Variants in SAP130 observed in about 807,000 individuals in gnomAD.
SAP130 encodes histone deacetylase complex subunit SAP130.
SAP130 carries 16 observed loss-of-function variants against 103.2 expected under a neutral mutation model. The ratio of observed to expected loss-of-function variants is 0.16; its 90% CI spans 0.10 to 0.24. The LOEUF (loss-of-function observed/expected upper bound fraction) is 0.24. Ranked by LOEUF, SAP130 falls within the 10% of genes least tolerant of loss-of-function variation. The pLI is 1.00. For missense variants in SAP130, 990 were observed against 1,359.7 expected (o/e 0.73, Z 4.28); for synonymous variants, 477 against 497.0 (o/e 0.96, Z 0.53).
At chr2:128,025,525 GA>G (rs959601480) in intron 2 of SAP130, among the ~76,000 whole-genome samples, 17 of 152,158 alleles carry the variant, frequency 1.1e-4, no homozygotes, top group South Asian at 4.1e-4. Flanking sequence ...TTCAGGGGGG[GA>G]AAAAAACCCT....
At chr2:127,976,256 A>G (rs1319014217) in intron 15 of SAP130, among the ~76,000 whole-genome samples, 2 of 152,240 alleles carry the variant, frequency 1.3e-5, no homozygotes, top group Non-Finnish European at 2.9e-5. Context: ...ATCAAGGAGC[A>G]CATGGCTTAT....
At chr2:128,017,972 A>C in intron 2 of SAP130, 57 bp from the exon 3 acceptor site, 1 of 1,384,582 alleles carries the variant, frequency 7.2e-7, no homozygotes, top group Non-Finnish European at 1.0e-6. Context: ...GTAAGATAGC[A>C]GCACAGACAA....
chr2:127,991,967 T>C (rs546302290), intron 12 of SAP130, among the ~76,000 whole-genome samples: 4 of 152,222 alleles, frequency 2.6e-5, no homozygotes, highest in African/African-American at 4.8e-5. Context: ...AATAACACTT[T>C]CTTTTGTCTT....
rs1678765808 is a variant in SAP130, at chr2:127,942,316, T to A, written c.3015+108A>T. Reference sequence around the variant, plus strand: ...TCAGGAGTGCAGGCTGAAGCACGTATGTTTTTACTGAAGATATGAGGGAGA... The same window carrying A: ...TCAGGAGTGCAGGCTGAAGCACGTAAGTTTTTACTGAAGATATGAGGGAGA... On this transcript the variant is annotated intron_variant, in intron 20 of 20. Coordinates refer to ENST00000643581, the MANE Select transcript of SAP130 (RefSeq NM_001330301.2). The surrounding 1 kb of genome is among the most constrained non-coding windows in gnomAD (Gnocchi z 4.8). 9.3e-7 allele frequency: 1 copy of A among 1,079,732 alleles called. No individual in the cohort carries two copies. Among genetic ancestry groups the A allele is most frequent in the African/African-American group, 1.6e-5 (1 of 64,032 alleles). The allele number at this position is 1,079,732 out of a possible 1,614,324, so 66.9% of individuals were successfully genotyped here.
chr2:127,989,442 A>T lies in SAP130; in HGVS notation c.1780+122T>A. The T allele has an allele frequency of 2.3e-6, 2 of 857,768 alleles. No individual in the cohort carries two copies. The highest frequency in any genetic ancestry group is 3.6e-6 in the Non-Finnish European group (2 of 563,026). 53.1% of individuals were successfully genotyped at this position (857,768 alleles called of 1,614,324 possible). ...TAAGTTCTAAGCAACTCATATTATT[A>T]ATACAAAGAAGAAAAGGCCTAGAGA... On this transcript the variant is annotated intron_variant, in intron 13 of 20. Coordinates refer to ENST00000643581, the MANE Select transcript of SAP130 (RefSeq NM_001330301.2). This position sits in a 1 kb window ranked among gnomAD's most constrained non-coding sequence, Gnocchi z 4.6.
At chr2:128,019,525 C>T (rs1685009323) in intron 2 of SAP130, among the ~76,000 whole-genome samples, 1 of 152,164 alleles carries the variant, frequency 6.6e-6, no homozygotes, top group Non-Finnish European at 1.5e-5. Flanking sequence ...CACCTCTGGC[C>T]TCCCAAAGTG....
intron 15 of SAP130, among the ~76,000 whole-genome samples, chr2:127,970,872 G>A (rs1319814135): frequency 6.6e-6 from 1 of 152,034 alleles, no homozygotes; most frequent in African/African-American, 2.4e-5. Flanking sequence ...CCACAACAAA[G>A]TCACTGACAT....
At chr2:127,943,584 G>C (rs998303351) in intron 19 of SAP130, among the ~76,000 whole-genome samples, 1 of 152,174 alleles carries the variant, frequency 6.6e-6, no homozygotes, top group African/African-American at 2.4e-5. Context: ...GGAATAGTGC[G>C]GGAAACTGAA....
intron 14 of SAP130, among the ~76,000 whole-genome samples, chr2:127,979,097 T>C (rs76086743): frequency 0.016 from 2,436 of 152,328 alleles, 26 homozygotes; most frequent in East Asian, 0.032. Flanking sequence ...ATGTAGAGTT[T>C]AGTTTAAAAT....
At chr2:127,967,358 G>A (rs1290826295) in intron 15 of SAP130, among the ~76,000 whole-genome samples, 1 of 152,210 alleles carries the variant, frequency 6.6e-6, no homozygotes, top group Non-Finnish European at 1.5e-5. Flanking sequence ...GATACTGACA[G>A]AATTAAAGGG....
chr2:127,948,312 C>T lies in SAP130; in HGVS notation c.2797+1557G>A, dbSNP rs377540092. Among the ~76,000 whole-genome samples the T allele has an allele frequency of 3.4e-4, 47 of 136,480 alleles. No homozygotes were observed. The South Asian group carries it at 6.8e-3, about 20-fold the overall frequency. 89.5% of individuals were successfully genotyped at this position (136,480 alleles called of 152,430 possible). On this transcript the variant is annotated intron_variant, in intron 18 of 20. Transcript: ENST00000643581. ...TTTTCTGTACTTCTTTTTTGTTTCT[C>T]TTTTCTTTCCTGTGAGTTTTTTTTT...
chr2:128,003,047 A>G (rs1390091107), intron 7 of SAP130, among the ~76,000 whole-genome samples: 3 of 151,924 alleles, frequency 2.0e-5, no homozygotes, highest in Non-Finnish European at 4.4e-5. Flanking sequence ...GGATCGCTTG[A>G]GAGCCCAGGA....
At chr2:128,011,227 T>C (rs1489644647) in intron 6 of SAP130, among the ~76,000 whole-genome samples, 1 of 152,234 alleles carries the variant, frequency 6.6e-6, no homozygotes, top group African/African-American at 2.4e-5. Flanking sequence ...GGTAACAGTA[T>C]TCTTTTCTAG....
chr2:127,948,684 T>G (rs2104716537), intron 18 of SAP130, among the ~76,000 whole-genome samples: 1 of 152,270 alleles, frequency 6.6e-6, no homozygotes, highest in East Asian at 1.9e-4. Flanking sequence ...ATATATAATT[T>G]ATGTTATTTT....
intron 7 of SAP130, among the ~76,000 whole-genome samples, chr2:128,007,382 A>G (rs761546502): frequency 6.6e-6 from 1 of 152,220 alleles, no homozygotes; most frequent in Non-Finnish European, 1.5e-5. Context: ...CGCAAATACT[A>G]TGCTACTTTA....
chr2:127,949,785 T>A (rs1447861002), intron 18 of SAP130, 84 bp downstream of exon 18: 1 of 1,418,250 alleles, frequency 7.1e-7, no homozygotes, highest in African/African-American at 1.4e-5. Context: ...AACCGGAAAA[T>A]TGTGGTTCTG....
chr2:127,993,794 G>C lies in SAP130; in HGVS notation c.1356-486C>G, dbSNP rs564986137. 7.2e-4 allele frequency among the ~76,000 whole-genome samples: 110 copies of C among 152,166 alleles called. 1 individual carries two copies. Among genetic ancestry groups the C allele is most frequent in the Middle Eastern group, 3.4e-3 (1 of 294 alleles). On this transcript the variant is annotated intron_variant, in intron 11 of 20. Transcript: ENST00000643581. ...GGGTCTTGCTATGTTGCCCAGGCTG[G>C]AGCGTAGTGGTTATTCACCAGCACA...
intron 15 of SAP130, among the ~76,000 whole-genome samples, chr2:127,964,700 A>G (rs1680515517): frequency 6.6e-6 from 1 of 152,058 alleles, no homozygotes; most frequent in Non-Finnish European, 1.5e-5. Flanking sequence ...AATAACTTAG[A>G]AAAGAGACTA....
intron 10 of SAP130, among the ~76,000 whole-genome samples, chr2:127,998,665 T>G (rs1033953240): frequency 6.6e-6 from 1 of 152,242 alleles, no homozygotes; most frequent in Admixed American, 6.5e-5. Context: ...CCTGGTACTT[T>G]TTAGTGAGTC....
Sources: gnomAD v4.1 joint callset for allele counts (sites outside exome capture counted in the v4.1 genomes callset) on GRCh38, gnomAD v4.1.1 for gene constraint, Gnocchi (gnomAD v3.1) non-coding constraint, MANE v1.5 for transcripts, NCBI Gene and HGNC (gene_info 2026-07-23, HGNC 2026-07-21) for gene names.